The following SETD2 variants were observed in gnomAD, a reference collection of about 807,000 sequenced individuals.
SETD2 encodes the protein SET domain containing 2, histone lysine methyltransferase.
SETD2 carries 31 observed loss-of-function variants against 242.1 expected under a neutral mutation model. The ratio of observed to expected loss-of-function variants is 0.13; its 90% CI spans 0.10 to 0.17. The LOEUF (loss-of-function observed/expected upper bound fraction) is 0.17. SETD2 is among the 10% of genes least tolerant of loss of function. The pLI is 1.00. For synonymous variants in SETD2, 1,006 were observed against 1,066.5 expected, an observed-to-expected ratio of 0.94 and a Z score of 1.11; for missense variants, 2,481 against 3,046.3, an observed-to-expected ratio of 0.81 and a Z score of 4.37.
At chr3:47,030,767 T>C (rs2038727606) in intron 18 of SETD2, among the ~76,000 whole-genome samples, 1 of 152,224 alleles carries the variant, frequency 6.6e-6, no homozygotes, top group African/African-American at 2.4e-5. Context: ...GAATTCCATA[T>C]CCAGTGAGAG....
intron 1 of SETD2, among the ~76,000 whole-genome samples, chr3:47,133,482 G>A (rs2043525248): frequency 6.6e-6 from 1 of 152,064 alleles, no homozygotes; most frequent in Admixed American, 6.6e-5. Context: ...AGGCGTGGTG[G>A]TTCACTTTGG....
intron 12 of SETD2, among the ~76,000 whole-genome samples, chr3:47,076,111 C>CTA (rs2041062594): frequency 1.3e-5 from 2 of 152,010 alleles, no homozygotes. Context: ...TTGTGAGAGC[C>CTA]TATACAAAGG....
At chr3:47,082,502 C>T (rs2041360145) in intron 12 of SETD2, among the ~76,000 whole-genome samples, 1 of 152,182 alleles carries the variant, frequency 6.6e-6, no homozygotes, top group Non-Finnish European at 1.5e-5. Context: ...GTGACTATCC[C>T]AGCACTTCTT....
At chr3:47,023,994 C>T (rs1344470397) in intron 18 of SETD2, among the ~76,000 whole-genome samples, 3 of 152,180 alleles carry the variant, frequency 2.0e-5, no homozygotes, top group Non-Finnish European at 4.4e-5. Flanking sequence ...ATCCGTATGC[C>T]TATTTCCCTC....
chr3:47,106,495 A>T (rs1363436687), intron 5 of SETD2, among the ~76,000 whole-genome samples: 1 of 22,868 alleles, frequency 4.4e-5, no homozygotes, highest in Admixed American at 5.7e-4. Context: ...TTTTGCTCTA[A>T]AAAAAAAAAA....
chr3:47,050,721 C>CTCTT (rs1278313115), intron 15 of SETD2, among the ~76,000 whole-genome samples: 1 of 70,376 alleles, frequency 1.4e-5, no homozygotes. Context: ...CATTTCCTCT[C>CTCTT]TCTTTTTTTT....
At chr3:47,159,908 G>C (rs1697438476) in intron 1 of SETD2, among the ~76,000 whole-genome samples, 1 of 151,542 alleles carries the variant, frequency 6.6e-6, no homozygotes. Flanking sequence ...CCAGGGGGCA[G>C]AGGTTGCAGT....
chr3:47,055,857 A>T (rs2040033286), intron 15 of SETD2, among the ~76,000 whole-genome samples: 1 of 151,028 alleles, frequency 6.6e-6, no homozygotes, highest in African/African-American at 2.4e-5. Flanking sequence ...CTAAAAATAC[A>T]AAAAAATTAG....
intron 11 of SETD2, among the ~76,000 whole-genome samples, chr3:47,084,975 C>T (rs1030850793): frequency 1.3e-5 from 2 of 151,796 alleles, no homozygotes. Flanking sequence ...AGGTGATCCA[C>T]CTGCCTCAGC....
chr3:47,019,225 T>C (rs1349475121), intron 19 of SETD2, among the ~76,000 whole-genome samples: 1 of 152,234 alleles, frequency 6.6e-6, no homozygotes, highest in Admixed American at 6.5e-5. Flanking sequence ...GAACTGGACT[T>C]TGAGCCAGAA....
At chr3:47,146,015 CAAAAAAAAAAAAAA>C (rs1171574770) in intron 1 of SETD2, among the ~76,000 whole-genome samples, 21 of 38,680 alleles carry the variant, frequency 5.4e-4, no homozygotes, top group African/African-American at 2.8e-3. Flanking sequence ...GACCCTGTCT[CAAAAAAAAAAAAAA>C]AAAAAAAAAA....
At position 47,101,526 on chromosome 3, in the gene SETD2, C is replaced by G. The variant is rs775659248; in HGVS notation, c.4947G>C (p.Gly1649=). The G allele has an allele frequency of 6.2e-7, 1 of 1,613,444 alleles. No homozygotes were observed. Among genetic ancestry groups the G allele is most frequent in the East Asian group, 2.2e-5 (1 of 44,864 alleles). ...KWTVNGQLRV[G]FFTTKLVPSG... ...AAGGAACCAGTTTGGTGGTAAAAAA[C>G]CCAACCCTCAGTTGTCCGTTCACAG... is the stretch of plus-strand genomic sequence containing the variant. The change falls in exon 8 of 21, where the codon GGG becomes GGC. Residue 1649 remains glycine (G), a synonymous_variant. Coordinates refer to ENST00000409792, the MANE Select transcript of SETD2 (RefSeq NM_014159.7).
intron 1 of SETD2, among the ~76,000 whole-genome samples, chr3:47,149,019 A>C (rs1356025032): frequency 6.6e-6 from 1 of 152,210 alleles, no homozygotes; most frequent in African/African-American, 2.4e-5. Context: ...TCCAGCATAT[A>C]CATTTGCAAA....
At chr3:47,157,891 G>GA (rs1321954274) in intron 1 of SETD2, among the ~76,000 whole-genome samples, 118 of 144,422 alleles carry the variant, frequency 8.2e-4, no homozygotes, top group African/African-American at 2.6e-3. Flanking sequence ...AAAAAGAAAA[G>GA]AAAAAAAAAA....
At position 47,148,192 on chromosome 3, in the gene SETD2, G is replaced by A. The variant is rs145282611; in HGVS notation, c.71+15662C>T. ...GTCACCCAGGCTGGATTGCAGTGGC[G>A]CGATCTCAGCTCACTGCAACCTCTG... On this transcript the variant is annotated intron_variant, in intron 1 of 20. Coordinates refer to ENST00000409792, the MANE Select transcript of SETD2 (RefSeq NM_014159.7). Among the ~76,000 whole-genome samples the A allele has an allele frequency of 5.2e-3, 791 of 151,882 alleles. 8 individuals are homozygous for A. The highest frequency in any genetic ancestry group is 0.018 in the African/African-American group (754 of 41,408).
intron 1 of SETD2, among the ~76,000 whole-genome samples, chr3:47,156,161 C>A (rs1229214060): frequency 6.6e-6 from 1 of 152,172 alleles, no homozygotes; most frequent in African/African-American, 2.4e-5. Flanking sequence ...CCCAGGCTGG[C>A]CATCCTGCTT....
At chr3:47,093,561 G>A (rs531699891) in intron 9 of SETD2, among the ~76,000 whole-genome samples, 1 of 152,212 alleles carries the variant, frequency 6.6e-6, no homozygotes, top group East Asian at 1.9e-4. Flanking sequence ...TGGGATTATA[G>A]GCATGAGCCA....
intron 1 of SETD2, among the ~76,000 whole-genome samples, chr3:47,132,714 CA>C (rs1277362853): frequency 6.6e-6 from 1 of 152,014 alleles, no homozygotes; most frequent in African/African-American, 2.4e-5. Context: ...TTTTAATAAG[CA>C]AAGACTTCAA....
chr3:47,086,298 G>T lies in SETD2; in HGVS notation c.5294C>A (p.Ser1765Tyr), dbSNP rs1207513586. Residue 1765 changes from serine (S) to tyrosine (Y), a missense_variant, in exon 11 of 21, where the codon TCC becomes TAC. Physicochemically the swap from Ser to Tyr is moderately radical, Grantham distance 144 (BLOSUM62 -2). Around this residue, in one of 17 missense-constraint regions of SETD2, gnomAD observed 62 missense variants for 136.7 expected, o/e 0.45. Transcript: ENST00000409792. ...LELIQNTHSQ[S>Y]CLKSFLERHG... ...ACGTTCCAGAAAGGACTTCAGGCAGGACTGTGAGTGTGTGTTCTTTCATGG... is the reference window on the plus strand; with the variant it reads ...ACGTTCCAGAAAGGACTTCAGGCAGTACTGTGAGTGTGTGTTCTTTCATGG... 3 of 1,612,472 alleles carry T rather than the reference G, an allele frequency of 1.9e-6. No individual in the cohort carries two copies. The highest frequency in any genetic ancestry group is 2.5e-6 in the Non-Finnish European group (3 of 1,178,908).
Sources: gnomAD v4.1 joint callset for allele counts (sites outside exome capture counted in the v4.1 genomes callset) on GRCh38, gnomAD v4.1.1 for gene constraint, gnomAD v4.1.1 regional missense constraint, MANE v1.5 for transcripts, NCBI Gene and HGNC (gene_info 2026-07-23, HGNC 2026-07-21) for gene names.